The following CEP128 variants were observed in gnomAD, a reference collection of about 807,000 sequenced individuals.
CEP128 encodes centrosomal protein 128, also known as centrosomal protein 128kDa.
Under a neutral mutation model 156.7 loss-of-function variants are expected in CEP128, and 132 were observed. The observed-to-expected ratio is 0.84, with a 90% CI of 0.73 to 0.97. The LOEUF is 0.97. Ranked by LOEUF, CEP128 falls within the 50% of genes least tolerant of loss-of-function variation. The pLI is 0.00. For synonymous variants in CEP128, 469 were observed against 448.9 expected, an observed-to-expected ratio of 1.04 and a Z score of -0.57; for missense variants, 1,252 against 1,281.9, an observed-to-expected ratio of 0.98 and a Z score of 0.36.
intron 21 of CEP128, among the ~76,000 whole-genome samples, chr14:80,540,342 A>G (rs61981668): frequency 0.21 from 31,227 of 152,030 alleles, 3,834 homozygotes; most frequent in African/African-American, 0.33. Flanking sequence ...TTTCTCAGCC[A>G]GCTGACACTT....
At chr14:80,800,860 A>AAACC (rs1883801706) in intron 13 of CEP128, among the ~76,000 whole-genome samples, 1 of 152,238 alleles carries the variant, frequency 6.6e-6, no homozygotes, top group South Asian at 2.1e-4. Context: ...TAACTATTAG[A>AAACC]AACCAGATTT....
intron 19 of CEP128, among the ~76,000 whole-genome samples, chr14:80,714,271 T>C (rs1411171460): frequency 6.6e-6 from 1 of 151,986 alleles, no homozygotes; most frequent in African/African-American, 2.4e-5. Flanking sequence ...CATGAGTCCA[T>C]ATAGGTTGCA....
chr14:80,807,261 T>A (rs1332228745), intron 13 of CEP128, among the ~76,000 whole-genome samples: 1 of 152,134 alleles, frequency 6.6e-6, no homozygotes, highest in African/African-American at 2.4e-5. Context: ...CTAACCCAAT[T>A]TCACACCATC....
intron 21 of CEP128, among the ~76,000 whole-genome samples, chr14:80,532,202 T>C (rs1312079474): frequency 3.3e-5 from 5 of 150,010 alleles, no homozygotes; most frequent in Admixed American, 6.6e-5. Context: ...TATATATATA[T>C]TTTTTTTCTG....
chr14:80,829,612 C>T (rs908212420), intron 13 of CEP128, among the ~76,000 whole-genome samples: 6 of 152,148 alleles, frequency 3.9e-5, no homozygotes, highest in African/African-American at 7.2e-5. Flanking sequence ...AACAAGGAAT[C>T]GGCTGCATTT....
At chr14:80,666,038 CAA>C (rs1293699673) in intron 19 of CEP128, among the ~76,000 whole-genome samples, 1 of 152,044 alleles carries the variant, frequency 6.6e-6, no homozygotes, top group African/African-American at 2.4e-5. Context: ...ATTGCAAAGT[CAA>C]AGAGTTATTT....
chr14:80,924,907 C>G (rs1357665471), intron 2 of CEP128, among the ~76,000 whole-genome samples: 1 of 151,912 alleles, frequency 6.6e-6, no homozygotes, highest in Admixed American at 6.6e-5. Context: ...GAATGGTGAG[C>G]ACCTAAGACA....
intron 19 of CEP128, among the ~76,000 whole-genome samples, chr14:80,585,942 T>C (rs1891801691): frequency 6.6e-6 from 1 of 152,202 alleles, no homozygotes; most frequent in Non-Finnish European, 1.5e-5. Flanking sequence ...TATGAGCCTA[T>C]AAATGATGGA....
intron 2 of CEP128, among the ~76,000 whole-genome samples, 160 bp from the exon 3 acceptor site, chr14:80,916,722 A>G (rs1884585887): frequency 6.6e-6 from 1 of 152,200 alleles, no homozygotes; most frequent in African/African-American, 2.4e-5. Flanking sequence ...ACAAGAAGTC[A>G]CTTCCCCATG....
intron 19 of CEP128, among the ~76,000 whole-genome samples, chr14:80,730,882 T>C (rs1898241347): frequency 6.6e-6 from 1 of 152,136 alleles, no homozygotes; most frequent in African/African-American, 2.4e-5. Context: ...ATTAAATTCA[T>C]TAATTGGGCC....
chr14:80,535,613 ACT>A (rs1041159328), intron 21 of CEP128, among the ~76,000 whole-genome samples: 8 of 145,564 alleles, frequency 5.5e-5, no homozygotes, highest in African/African-American at 1.5e-4. Context: ...ACATGCACAC[ACT>A]CACACACACA....
At position 80,935,599 on chromosome 14, in the gene CEP128, T is replaced by A. The variant is rs1474686176; in HGVS notation, c.-16+3786A>T. On this transcript the variant is annotated intron_variant, in intron 2 of 24. Coordinates refer to ENST00000555265, the MANE Select transcript of CEP128 (RefSeq NM_152446.5). ...ATAAATAAATAAATAAATAAATAAA[T>A]AAAAATAAAGTACTTATTGTTGTAT... 2.8e-4 allele frequency among the ~76,000 whole-genome samples: 13 copies of A among 46,272 alleles called. No individual in the cohort carries two copies. In the South Asian group the frequency reaches 4.1e-3, roughly 15 times the overall value. 30.4% of individuals were successfully genotyped at this position (46,272 alleles called of 152,430 possible). A position where few individuals can be genotyped will look rare whatever the true frequency, so the allele number is the denominator to read the frequency against.
intron 16 of CEP128, among the ~76,000 whole-genome samples, chr14:80,774,625 G>C (rs1332038531): frequency 6.6e-6 from 1 of 151,914 alleles, no homozygotes; most frequent in Non-Finnish European, 1.5e-5. Flanking sequence ...GTGTGTGTGT[G>C]CGTGTGTGTG....
At chr14:80,948,663 A>G (rs1244759359) in intron 2 of CEP128, among the ~76,000 whole-genome samples, 2 of 152,210 alleles carry the variant, frequency 1.3e-5, no homozygotes, top group Non-Finnish European at 2.9e-5. Context: ...AGAAGGAAAA[A>G]GTAGTGTTCT....
chr14:80,747,304 T>C (rs917315965), intron 18 of CEP128, among the ~76,000 whole-genome samples: 1 of 152,190 alleles, frequency 6.6e-6, no homozygotes, highest in African/African-American at 2.4e-5. Context: ...AGCAGCATTA[T>C]AATAACAGCC....
At chr14:80,489,015 A>T (rs1428639314), downstream of CEP128, among the ~76,000 whole-genome samples, 1 of 151,642 alleles carries the variant, frequency 6.6e-6, no homozygotes, top group Admixed American at 6.6e-5. Context: ...GGAAAGCATT[A>T]GGAGATATAC....
chr14:80,753,391 A>AAT (rs1184531676), intron 18 of CEP128, among the ~76,000 whole-genome samples: 3 of 152,230 alleles, frequency 2.0e-5, no homozygotes, highest in African/African-American at 7.2e-5. Context: ...TAAGGGAATA[A>AAT]ATACTGGATA....
intron 19 of CEP128, among the ~76,000 whole-genome samples, chr14:80,666,979 C>A (rs995943516): frequency 6.6e-6 from 1 of 152,158 alleles, no homozygotes; most frequent in Non-Finnish European, 1.5e-5. Flanking sequence ...TATATAAAAA[C>A]AAGAAGCCAG....
intron 8 of CEP128, among the ~76,000 whole-genome samples, chr14:80,891,588 A>G (rs2139374692): frequency 6.7e-6 from 1 of 148,962 alleles, no homozygotes; most frequent in Non-Finnish European, 1.5e-5. Flanking sequence ...CTAGGTGCAA[A>G]AAAAAAAAAA....
Sources: allele counts gnomAD v4.1 joint callset (sites outside exome capture counted in the v4.1 genomes callset), GRCh38; gene constraint gnomAD v4.1.1; transcripts MANE v1.5; gene names NCBI Gene and HGNC (gene_info 2026-07-23, HGNC 2026-07-21).